Variants in GRAMD1C observed in about 807,000 individuals in gnomAD.
The protein encoded by GRAMD1C is GRAM domain containing 1C.
In GRAMD1C, 89 loss-of-function variants were observed where a neutral mutation model predicts 97.8. The ratio of observed to expected loss-of-function variants is 0.91; its 90% CI spans 0.77 to 1.09. GRAMD1C has a LOEUF of 1.09. Among genes scored for constraint, GRAMD1C ranks in the 50% least tolerant of loss-of-function variants. The pLI is 0.00. For synonymous variants in GRAMD1C, 256 were observed against 267.0 expected (o/e 0.96, Z 0.40); for missense variants, 740 against 766.4 (o/e 0.97, Z 0.41).
intron 9 of GRAMD1C, among the ~76,000 whole-genome samples, chr3:113,914,515 G>A (rs952463559): frequency 6.6e-6 from 1 of 152,150 alleles, no homozygotes; most frequent in African/African-American, 2.4e-5. Flanking sequence ...CATTCTTAGA[G>A]CTTGATTTCT....
chr3:113,841,173 A>C (rs2566980), intron 1 of GRAMD1C, among the ~76,000 whole-genome samples: 21,837 of 152,106 alleles, frequency 0.14, 2,241 homozygotes, highest in African/African-American at 0.29. Context: ...AGGATGCAGT[A>C]ATGAACCATG....
Position 113,939,835 on chromosome 3 carries a change from A to C in GRAMD1C, c.1692-51A>C, listed in dbSNP as rs371768137. 1.4e-4 allele frequency: 132 copies of C among 928,186 alleles called. 1 individual carries two copies. Among genetic ancestry groups the C allele is most frequent in the African/African-American group, 9.1e-4 (56 of 61,778 alleles). The allele number at this position is 928,186 out of a possible 1,614,324, so 57.5% of individuals were successfully genotyped here. ...TTTGCATGTATATTCTGCATTAGCA[A>C]TGCTTTAGGTCTGGAAAAGTGTGGA... is the stretch of plus-strand genomic sequence containing the variant. On this transcript the variant is annotated intron_variant, in intron 15 of 17. Transcript: ENST00000358160.
At chr3:113,837,708 G>C, upstream of GRAMD1C, among the ~76,000 whole-genome samples, 1 of 147,928 alleles carries the variant, frequency 6.8e-6, no homozygotes. Context: ...GCAACATGGC[G>C]AAACCCTGTC....
intron 2 of GRAMD1C, among the ~76,000 whole-genome samples, chr3:113,849,298 TA>T (rs1267794620): frequency 0.014 from 2,137 of 149,986 alleles, 27 homozygotes; most frequent in Non-Finnish European, 0.024. Flanking sequence ...TTTATTTATT[TA>T]TTTATTTATT....
At chr3:113,891,216 CTTAAAG>C (rs1283133544) in intron 6 of GRAMD1C, among the ~76,000 whole-genome samples, 14 of 152,244 alleles carry the variant, frequency 9.2e-5, no homozygotes, top group Admixed American at 8.5e-4. Flanking sequence ...CTGTACAGAA[CTTAAAG>C]TTGAAGATGA....
At chr3:113,853,000 C>G (rs1933975016) in intron 2 of GRAMD1C, among the ~76,000 whole-genome samples, 1 of 152,036 alleles carries the variant, frequency 6.6e-6, no homozygotes, top group Non-Finnish European at 1.5e-5. Context: ...GAAAGAGATT[C>G]AATAAATAGT....
chr3:113,875,963 G>T, intron 4 of GRAMD1C: 1 of 477,290 alleles, frequency 2.1e-6, no homozygotes, highest in Non-Finnish European at 3.7e-6. Flanking sequence ...GAGTTGTTGG[G>T]GGAGAATACT....
At chr3:113,900,486 T>A (rs1313941739) in intron 6 of GRAMD1C, among the ~76,000 whole-genome samples, 1 of 149,288 alleles carries the variant, frequency 6.7e-6, no homozygotes, top group African/African-American at 2.5e-5. Flanking sequence ...AGTGGCACAA[T>A]CTTGGCTCAC....
rs764177580 is a variant in GRAMD1C, at chr3:113,908,968, A to G, written c.800A>G (p.Lys267Arg). The G allele has an allele frequency of 6.4e-7, 1 of 1,569,970 alleles. No individual in the cohort carries two copies. The highest frequency in any genetic ancestry group is 2.0e-5 in the Admixed American group (1 of 48,794). The change falls in exon 9 of 18, where the codon AAA becomes AGA. Residue 267 changes from lysine (K) to arginine (R), a missense_variant. By Grantham distance (26) the Lys-to-Arg change is conservative. Transcript: ENST00000358160. The stretch of plus-strand genomic sequence containing the variant: ...TTGTTTACCTTTTAGGGATTAGGCA[A>G]AGAGGAGTCCCAAAATGAGAAACAG... ...DGNSSKGGLGKEESQNEKQTK... is the reference protein window; with the variant it reads ...DGNSSKGGLGREESQNEKQTK...
intron 3 of GRAMD1C, among the ~76,000 whole-genome samples, chr3:113,874,412 G>A (rs1325192717): frequency 6.6e-6 from 1 of 151,594 alleles, no homozygotes; most frequent in Non-Finnish European, 1.5e-5. Flanking sequence ...GGAGTGGCAC[G>A]ATCTTGGCTC....
At chr3:113,852,179 TA>T (rs1336827271) in intron 2 of GRAMD1C, among the ~76,000 whole-genome samples, 1 of 152,154 alleles carries the variant, frequency 6.6e-6, no homozygotes, top group African/African-American at 2.4e-5. Context: ...GTTGTACTAT[TA>T]AAAAAATCCC....
chr3:113,871,440 G>C (rs1384086109), intron 3 of GRAMD1C, among the ~76,000 whole-genome samples: 1 of 152,172 alleles, frequency 6.6e-6, no homozygotes, highest in East Asian at 1.9e-4. Flanking sequence ...GGCTGAGGCG[G>C]GTGGCTTGCT....
At chr3:113,934,126 A>G (rs1937533415) in intron 12 of GRAMD1C, among the ~76,000 whole-genome samples, 1 of 152,232 alleles carries the variant, frequency 6.6e-6, no homozygotes, top group Non-Finnish European at 1.5e-5. Flanking sequence ...GATTTTTTAT[A>G]CAAGGAATTT....
At chr3:113,875,334 C>T in intron 3 of GRAMD1C, 150 bp from the exon 4 acceptor site, 1 of 531,414 alleles carries the variant, frequency 1.9e-6, no homozygotes, top group Non-Finnish European at 3.4e-6. Flanking sequence ...AGCAAAATAT[C>T]TGACATATGG....
chr3:113,875,956 T>G, intron 4 of GRAMD1C: 1 of 462,524 alleles, frequency 2.2e-6, no homozygotes, highest in East Asian at 3.5e-5. Context: ...GATAGAGGAG[T>G]TGTTGGGGGA....
intron 6 of GRAMD1C, among the ~76,000 whole-genome samples, chr3:113,887,079 C>CTTTTTT (rs1559795559): frequency 1.0e-5 from 1 of 97,506 alleles, no homozygotes; most frequent in African/African-American, 4.2e-5. Flanking sequence ...TGCGCCTGGC[C>CTTTTTT]TTTTTGTTTT....
exon 1 of GRAMD1C, chr3:113,828,253 A>C (rs1709512313): frequency 6.6e-6 from 1 of 152,306 alleles, no homozygotes; most frequent in African/African-American, 2.4e-5. Flanking sequence ...GTCCCAAACC[A>C]ATAGCCAGTA....
At chr3:113,941,403 CA>C (rs1425617214) in intron 17 of GRAMD1C, among the ~76,000 whole-genome samples, 4 of 152,124 alleles carry the variant, frequency 2.6e-5, no homozygotes, top group Non-Finnish European at 4.4e-5. Context: ...TGACCTTCTA[CA>C]ACTCCTGTTA....
At chr3:113,904,383 T>G in intron 8 of GRAMD1C, 111 bp downstream of exon 8, 1 of 763,266 alleles carries the variant, frequency 1.3e-6, no homozygotes, top group South Asian at 2.1e-5. Context: ...GATATCAGAC[T>G]CCTACCTTAT....
Sources: allele counts gnomAD v4.1 joint callset (sites outside exome capture counted in the v4.1 genomes callset), GRCh38; gene constraint gnomAD v4.1.1; transcripts MANE v1.5; gene names NCBI Gene and HGNC (gene_info 2026-07-23, HGNC 2026-07-21).